DOC2A: variants seen among roughly 807,000 people sequenced by gnomAD.
DOC2A encodes double C2 domain alpha.
Under a neutral mutation model 40.6 loss-of-function variants are expected in DOC2A, and 28 were observed. The observed-to-expected ratio is 0.69, with a 90% CI of 0.51 to 0.95. DOC2A has a LOEUF of 0.95. Ranked by LOEUF, DOC2A falls within the 40% of genes least tolerant of loss-of-function variation. The probability of loss-of-function intolerance (pLI) is 0.00; values close to 1 mark genes in which losing one functional copy is unlikely to be tolerated. For synonymous variants in DOC2A, 241 were observed against 236.9 expected, an observed-to-expected ratio of 1.02 and a Z score of -0.16; for missense variants, 474 against 552.5, an observed-to-expected ratio of 0.86 and a Z score of 1.42.
chr16:30,019,678 A>C (rs962112312), intron 1 of DOC2A, among the ~76,000 whole-genome samples: 1 of 152,124 alleles, frequency 6.6e-6, no homozygotes, highest in East Asian at 1.9e-4. Flanking sequence ...CTCCCAGCTA[A>C]CCTCAAGGAG....
Position 30,006,261 on chromosome 16 carries a change from C to T in DOC2A, c.1128G>A (p.Pro376=), listed in dbSNP as rs371322738. The change falls in exon 11 of 11, where the codon CCG becomes CCA. Residue 376 remains proline, a synonymous_variant. Transcript: ENST00000350119. This position sits in a 1 kb window ranked among gnomAD's most constrained non-coding sequence, Gnocchi z 6.2. ...RKHWSDCLQQ[P]DAALERWHTL... ...TGTGCCAGCGCTCCAGGGCTGCGTC[C>T]GGCTGCTGCAGGCAGTCACTCCAGT... 28 of 1,599,250 alleles carry T rather than the reference C, an allele frequency of 1.8e-5. No homozygotes were observed. Among genetic ancestry groups the T allele is most frequent in the East Asian group, 4.5e-5 (2 of 44,248 alleles).
At chr16:30,022,483 C>T (rs1171440491), upstream of DOC2A, among the ~76,000 whole-genome samples, 1 of 151,990 alleles carries the variant, frequency 6.6e-6, no homozygotes, top group Admixed American at 6.6e-5. Context: ...CCAGCCTGGG[C>T]AACATAGCAA....
In DOC2A at chr16:30,006,889, ACT is replaced by A; in HGVS notation, c.772_773del (p.Leu259GlnfsTer47). 1 of 1,613,296 alleles carries A rather than the reference ACT, an allele frequency of 6.2e-7. No individual in the cohort carries two copies. Among genetic ancestry groups the A allele is most frequent in the Non-Finnish European group, 8.5e-7 (1 of 1,179,682 alleles). ...CCCGGCGCCGCGAGCTGTAGCTGAGACTCAGCAGGATGCGGCCACGCTCCTCC... is the reference window on the plus strand; with the variant it reads ...CCCGGCGCCGCGAGCTGTAGCTGAGACAGCAGGATGCGGCCACGCTCCTCC... ...LLEERGRILL[S>X]LSYSSRRRGL... On this transcript the variant is annotated frameshift_variant, in exon 8 of 11. Coordinates refer to ENST00000350119, the MANE Select transcript of DOC2A (RefSeq NM_003586.3). LOFTEE classifies it high-confidence loss of function. This position sits in a 1 kb window ranked among gnomAD's most constrained non-coding sequence, Gnocchi z 6.2.
intron 1 of DOC2A, among the ~76,000 whole-genome samples, chr16:30,020,903 T>G (rs923392778): frequency 6.6e-6 from 1 of 151,936 alleles, no homozygotes; most frequent in Non-Finnish European, 1.5e-5. Context: ...ACGCCTGTGG[T>G]CCCAGCTACT....
upstream of DOC2A, chr16:30,011,548 AC>A: frequency 8.2e-6 from 2 of 243,494 alleles, no homozygotes; most frequent in Non-Finnish European, 1.1e-5. Context: ...ATCTCCCCCC[AC>A]CCCCGCGCGT....
chr16:30,023,170 A>G (rs1306567620), upstream of DOC2A: 9 of 539,176 alleles, frequency 1.7e-5, no homozygotes, highest in Non-Finnish European at 3.0e-5. Context: ...CATCAGCGAC[A>G]TTCCAGGGGG....
At chr16:30,016,868 G>A (rs2070860871), upstream of DOC2A, among the ~76,000 whole-genome samples, 1 of 152,156 alleles carries the variant, frequency 6.6e-6, no homozygotes, top group Non-Finnish European at 1.5e-5. Context: ...GTGGGGACAG[G>A]GGATGGTCAG....
upstream of DOC2A, chr16:30,023,222 T>G: frequency 1.7e-5 from 14 of 828,712 alleles, no homozygotes; most frequent in Non-Finnish European, 2.6e-5. Flanking sequence ...CCTCTTCTGA[T>G]GAGAGTGAGG....
chr16:30,009,607 C>G lies in DOC2A; in HGVS notation c.263-50G>C. 2.0e-6 allele frequency: 3 copies of G among 1,490,770 alleles called. No individual in the cohort carries two copies. The highest frequency in any genetic ancestry group is 2.7e-6 in the Non-Finnish European group (3 of 1,096,430). 92.3% of individuals were successfully genotyped at this position (1,490,770 alleles called of 1,614,324 possible). On this transcript the variant is annotated intron_variant, in intron 2 of 10. Transcript: ENST00000350119. The surrounding 1 kb of genome is among the most constrained non-coding windows in gnomAD (Gnocchi z 4.1). Reference sequence around the variant, plus strand: ...GGGTCGGTATGGAGACAGGTGTGTGCGAGAGGCCAGCAGGTGGGCACTGGC... The same window carrying G: ...GGGTCGGTATGGAGACAGGTGTGTGGGAGAGGCCAGCAGGTGGGCACTGGC...
At chr16:30,022,610 G>A (rs1043774132), upstream of DOC2A, among the ~76,000 whole-genome samples, 2 of 152,172 alleles carry the variant, frequency 1.3e-5, no homozygotes, top group Middle Eastern at 3.2e-3. Context: ...GTTCAAGGCT[G>A]CAGTAATCAT....
chr16:30,012,664 G>A (rs1363799891), upstream of DOC2A: 1 of 140,094 alleles, frequency 7.1e-6, no homozygotes, highest in African/African-American at 2.7e-5. Context: ...GGGCAACACA[G>A]TGAGACACAG....
Position 30,009,930 on chromosome 16 carries a change from G to A in DOC2A, c.262+31C>T, listed in dbSNP as rs779805676. 6.9e-6 allele frequency: 11 copies of A among 1,605,348 alleles called. No individual in the cohort carries two copies. Among genetic ancestry groups the A allele is most frequent in the Non-Finnish European group, 9.3e-6 (11 of 1,177,008 alleles). On this transcript the variant is annotated intron_variant, in intron 2 of 10. Coordinates refer to ENST00000350119, the MANE Select transcript of DOC2A (RefSeq NM_003586.3). This position sits in a 1 kb window ranked among gnomAD's most constrained non-coding sequence, Gnocchi z 4.1. ...ACGGCAAGCCTGGAGACCCCCACCA[G>A]CACATGGGGCCTCCAAGCCCCCAGA...
rs2070756823 is a variant in DOC2A at position 30,010,774 on chromosome 16, C to T, written c.-14+129G>A. 1 of 653,430 alleles carries T rather than the reference C, an allele frequency of 1.5e-6. No individual in the cohort carries two copies. The highest frequency in any genetic ancestry group is 1.9e-6 in the Non-Finnish European group (1 of 517,746). 40.5% of individuals were successfully genotyped at this position (653,430 alleles called of 1,614,324 possible). A position where few individuals can be genotyped will look rare whatever the true frequency, so the allele number is the denominator to read the frequency against. On this transcript the variant is annotated intron_variant, in intron 1 of 10. Transcript: ENST00000350119. This position sits in a 1 kb window ranked among gnomAD's most constrained non-coding sequence, Gnocchi z 4.2. ...ACGGTGGAGACCCCAGCCTCAGATGCCACCTCTGGCTCCTCAGGGGAGCCA... is the reference window on the plus strand; with the variant it reads ...ACGGTGGAGACCCCAGCCTCAGATGTCACCTCTGGCTCCTCAGGGGAGCCA...
intron 1 of DOC2A, among the ~76,000 whole-genome samples, chr16:30,018,188 G>C (rs2150963913): frequency 6.9e-6 from 1 of 145,136 alleles, no homozygotes; most frequent in East Asian, 2.1e-4. Context: ...GCTGAGGAGA[G>C]AGGATTGCTT....
upstream of DOC2A, among the ~76,000 whole-genome samples, chr16:30,022,341 T>C (rs1450055401): frequency 7.4e-6 from 1 of 135,708 alleles, no homozygotes; most frequent in Non-Finnish European, 1.6e-5. Context: ...TACTTGGCCA[T>C]AAATGGGGTC....
chr16:30,006,983 C>A lies in DOC2A; in HGVS notation c.715-35G>T. On this transcript the variant is annotated intron_variant, in intron 7 of 10. Transcript: ENST00000350119. This position sits in a 1 kb window ranked among gnomAD's most constrained non-coding sequence, Gnocchi z 6.2. ...ACAGACTCAGGGTCAGCCTGGGCCC[C>A]TGCAGCCTCCCACCCACATGCATCC... 6.2e-7 allele frequency: 1 copy of A among 1,613,954 alleles called. No individual in the cohort carries two copies. Among genetic ancestry groups the A allele is most frequent in the East Asian group, 2.2e-5 (1 of 44,860 alleles).
In DOC2A at chr16:30,006,307, G is replaced by C; in HGVS notation, c.1082C>G (p.Ala361Gly). The change falls in exon 11 of 11, where the codon GCC (alanine) becomes GGC (glycine). Residue 361 changes from alanine (A) to glycine (G), a missense_variant. Coordinates refer to ENST00000350119, the MANE Select transcript of DOC2A (RefSeq NM_003586.3). The surrounding 1 kb of genome is among the most constrained non-coding windows in gnomAD (Gnocchi z 6.2). ...FIGGVSLGPGARGEARKHWSD... is the reference protein window; with the variant it reads ...FIGGVSLGPGGRGEARKHWSD... ...CCAGTGCTTCCGAGCCTCGCCTCGG[G>C]CACCTGGCCCCAGGGACACGCCACC... 6.2e-7 allele frequency: 1 copy of C among 1,611,446 alleles called. No individual in the cohort carries two copies. The highest frequency in any genetic ancestry group is 8.5e-7 in the Non-Finnish European group (1 of 1,179,496).
chr16:30,014,634 CAA>C (rs2070836689), upstream of DOC2A, among the ~76,000 whole-genome samples: 2 of 143,806 alleles, frequency 1.4e-5, no homozygotes, highest in South Asian at 2.2e-4. Flanking sequence ...GACTCCATCT[CAA>C]AGAAAAAAAA....
upstream of DOC2A, chr16:30,011,364 A>C: frequency 1.0e-6 from 1 of 984,414 alleles, no homozygotes; most frequent in South Asian, 4.7e-5. Flanking sequence ...ACTCGCAAAC[A>C]CGCGGGCTCC....
Sources: gnomAD v4.1 joint callset for allele counts (sites outside exome capture counted in the v4.1 genomes callset) on GRCh38, gnomAD v4.1.1 for gene constraint, Gnocchi (gnomAD v3.1) non-coding constraint, MANE v1.5 for transcripts, NCBI Gene and HGNC (gene_info 2026-07-23, HGNC 2026-07-21) for gene names.